The following ATCAY variants were observed in gnomAD, a reference collection of about 807,000 sequenced individuals.
ATCAY encodes caytaxin.
Under a neutral mutation model 47.7 loss-of-function variants are expected in ATCAY, and 22 were observed. That is an observed-to-expected ratio of 0.46 (90% CI 0.33 to 0.66). The LOEUF is 0.66. Among genes scored for constraint, ATCAY ranks in the 30% least tolerant of loss-of-function variants. The probability of loss-of-function intolerance (pLI) is 0.02; values close to 1 mark genes in which losing one functional copy is unlikely to be tolerated. For missense variants in ATCAY, 452 were observed against 515.0 expected (o/e 0.88, Z 1.18); for synonymous variants, 216 against 207.6 (o/e 1.04, Z -0.35).
chr19:3,916,815 GT>G (rs879364855), intron 9 of ATCAY, among the ~76,000 whole-genome samples: 58 of 144,188 alleles, frequency 4.0e-4, no homozygotes, highest in Non-Finnish European at 3.4e-4. Context: ...GGTTTTTCTG[GT>G]TTTTTTTTTT....
At chr19:3,909,791 G>A (rs544665137) in intron 7 of ATCAY, among the ~76,000 whole-genome samples, 174 bp downstream of exon 7, 17 of 152,068 alleles carry the variant, frequency 1.1e-4, no homozygotes, top group African/African-American at 4.1e-4. Context: ...TGTCTCTACA[G>A]AAAAACTTTT....
intron 2 of ATCAY, 97 bp downstream of exon 2, chr19:3,885,941 C>A: frequency 7.9e-7 from 1 of 1,259,906 alleles, no homozygotes; most frequent in Non-Finnish European, 1.1e-6. Context: ...AAGTGGGAAC[C>A]GCCCGGGGCT....
At chr19:3,922,371 A>C (rs771679453) in intron 12 of ATCAY, 13 of 619,138 alleles carry the variant, frequency 2.1e-5, no homozygotes, top group Non-Finnish European at 3.5e-5. Flanking sequence ...CCACCTCTTC[A>C]CCAGGCAGCA....
intron 2 of ATCAY, among the ~76,000 whole-genome samples, chr19:3,894,948 C>CA (rs34311804): frequency 0.22 from 17,137 of 76,650 alleles, 1,644 homozygotes; most frequent in Non-Finnish European, 0.26. Flanking sequence ...GACCCTGTCT[C>CA]AAAAAAAAAA....
At chr19:3,915,808 G>C (rs987288563) in intron 9 of ATCAY, among the ~76,000 whole-genome samples, 1 of 147,950 alleles carries the variant, frequency 6.8e-6, no homozygotes, top group Non-Finnish European at 1.5e-5. Flanking sequence ...GCCCACCTCA[G>C]CCTCCCAAAG....
At chr19:3,899,927 T>A (rs1357985507) in intron 2 of ATCAY, among the ~76,000 whole-genome samples, 1 of 152,158 alleles carries the variant, frequency 6.6e-6, no homozygotes, top group East Asian at 1.9e-4. Context: ...CCAGCATTTC[T>A]GTCTCAAAAA....
At chr19:3,924,533 C>T (rs1003425618) in intron 12 of ATCAY, 50 bp from the exon 13 acceptor site, 26 of 1,611,860 alleles carry the variant, frequency 1.6e-5, no homozygotes, top group Non-Finnish European at 2.1e-5. Flanking sequence ...GCGCATTTTG[C>T]ACTTTTAACA....
chr19:3,887,700 A>C (rs947886110), intron 2 of ATCAY, among the ~76,000 whole-genome samples: 4 of 149,182 alleles, frequency 2.7e-5, no homozygotes, highest in South Asian at 2.1e-4. Flanking sequence ...GTTAGCCAGG[A>C]TGGTCTCGAT....
At chr19:3,890,229 G>C (rs1392688067) in intron 2 of ATCAY, among the ~76,000 whole-genome samples, 5 of 138,554 alleles carry the variant, frequency 3.6e-5, no homozygotes, top group Non-Finnish European at 1.5e-5. Context: ...TGAGCCATTG[G>C]GCCCAGCTCC....
At chr19:3,910,402 C>A (rs933950928) in intron 7 of ATCAY, among the ~76,000 whole-genome samples, 1 of 152,162 alleles carries the variant, frequency 6.6e-6, no homozygotes, top group African/African-American at 2.4e-5. Context: ...TTGTAAATAG[C>A]CTCAGAGTGA....
rs1003489887 is a variant in ATCAY at position 3,905,597 on chromosome 19, C to T, written c.300C>T (p.Thr100=). ...ATATTAACGTGGATGACATCGAGAC[C>T]CCCGATGAGACCGACTCGCTGGAGT... ...DLDINVDDIE[T]PDETDSLEFL... is the part of the protein sequence containing the mutation. Residue 100 remains threonine (T), a synonymous_variant, in exon 4 of 13, where the codon ACC becomes ACT. Coordinates refer to ENST00000450849, the MANE Select transcript of ATCAY (RefSeq NM_033064.5). 3.7e-6 allele frequency: 6 copies of T among 1,613,580 alleles called. No individual in the cohort carries two copies. The South Asian group carries it at 4.4e-5, about 12-fold the overall frequency.
chr19:3,922,635 C>T (rs531510540), intron 12 of ATCAY, among the ~76,000 whole-genome samples: 2 of 152,326 alleles, frequency 1.3e-5, no homozygotes, highest in Non-Finnish European at 2.9e-5. Context: ...AGCCAGGATG[C>T]TCCAAGAGTT....
At chr19:3,886,158 T>C (rs1164195687) in intron 2 of ATCAY, among the ~76,000 whole-genome samples, 1 of 152,188 alleles carries the variant, frequency 6.6e-6, no homozygotes. Context: ...TAAGAGTTCT[T>C]AACATTCTGG....
intron 2 of ATCAY, among the ~76,000 whole-genome samples, chr19:3,886,161 C>A (rs1000150164): frequency 6.6e-6 from 1 of 152,208 alleles, no homozygotes; most frequent in Non-Finnish European, 1.5e-5. Context: ...GAGTTCTTAA[C>A]ATTCTGGCTG....
chr19:3,918,384 CAA>C (rs59895158), intron 10 of ATCAY, among the ~76,000 whole-genome samples: 24,414 of 140,644 alleles, frequency 0.17, 2,439 homozygotes, highest in African/African-American at 0.29. Flanking sequence ...GACTCTGTCT[CAA>C]AAAAAAAAAA....
At position 3,907,932 on chromosome 19, in the gene ATCAY, C is replaced by T. The variant is rs780196890; in HGVS notation, c.544+13C>T. 3.1e-6 allele frequency: 5 copies of T among 1,609,428 alleles called. No homozygotes were observed. The Admixed American group carries it at 8.5e-5, about 27-fold the overall frequency. On this transcript the variant is annotated intron_variant, in intron 5 of 12. Coordinates refer to ENST00000450849, the MANE Select transcript of ATCAY (RefSeq NM_033064.5). This position sits in a 1 kb window ranked among gnomAD's most constrained non-coding sequence, Gnocchi z 5.1. ...GTCACCCACGGAGGTGAGACCCGCC[C>T]CCCGGTGCCCCCTTGGGGCTCCAGC... is the stretch of plus-strand genomic sequence containing the variant.
intron 7 of ATCAY, 73 bp from the exon 8 acceptor site, chr19:3,910,730 C>T (rs544396501): frequency 6.1e-6 from 9 of 1,481,738 alleles, no homozygotes; most frequent in Middle Eastern, 1.7e-4. Flanking sequence ...GTGGCTCTCC[C>T]GTCCCACCCA....
chr19:3,885,671 G>A (rs1194494844), intron 1 of ATCAY, 56 bp from the exon 2 acceptor site: 10 of 1,015,862 alleles, frequency 9.8e-6, no homozygotes, highest in South Asian at 2.9e-5. Context: ...TGGGGTAGAC[G>A]ATTGTCATTA....
At chr19:3,915,297 C>A (rs1568452156) in intron 9 of ATCAY, among the ~76,000 whole-genome samples, 2 of 151,598 alleles carry the variant, frequency 1.3e-5, no homozygotes, top group Non-Finnish European at 2.9e-5. Context: ...CTCAGCCTCC[C>A]AACTAGCTGG....
Sources: gnomAD v4.1 joint callset for allele counts (sites outside exome capture counted in the v4.1 genomes callset) on GRCh38, gnomAD v4.1.1 for gene constraint, Gnocchi (gnomAD v3.1) non-coding constraint, MANE v1.5 for transcripts, NCBI Gene and HGNC (gene_info 2026-07-23, HGNC 2026-07-21) for gene names.